Variants in RAPGEF2 observed in about 807,000 individuals in gnomAD.
RAPGEF2 encodes Rap guanine nucleotide exchange factor 2.
Under a neutral mutation model 186.7 loss-of-function variants are expected in RAPGEF2, and 54 were observed. That is an observed-to-expected ratio of 0.29 (90% CI 0.23 to 0.36). RAPGEF2 has a LOEUF of 0.36. Among genes scored for constraint, RAPGEF2 ranks in the 10% least tolerant of loss-of-function variants. The pLI, the probability that RAPGEF2 is intolerant of heterozygous loss-of-function variation, is 1.00. For missense variants in RAPGEF2, 1,532 were observed against 2,045.0 expected, an observed-to-expected ratio of 0.75 and a Z score of 4.84; for synonymous variants, 712 against 705.9, an observed-to-expected ratio of 1.01 and a Z score of -0.14.
Position 159,353,255 on chromosome 4 carries a change from T to TG in RAPGEF2, c.4092-232_4092-231insG. Reference sequence around the variant, plus strand: ...ATGTTGTCGGGGAATTTTTTTTTTTTTAATGGCACGTTGCGTTCTTTTCCC... The same window carrying TG: ...ATGTTGTCGGGGAATTTTTTTTTTTTGTAATGGCACGTTGCGTTCTTTTCCC... On this transcript the variant is annotated intron_variant, in intron 27 of 29. Transcript: ENST00000691494. This position sits in a 1 kb window ranked among gnomAD's most constrained non-coding sequence, Gnocchi z 4.3. 6.6e-6 allele frequency among the ~76,000 whole-genome samples: 1 copy of TG among 151,670 alleles called. No individual in the cohort carries two copies. Among genetic ancestry groups the TG allele is most frequent in the East Asian group, 1.9e-4 (1 of 5,180 alleles).
chr4:159,237,845 A>AAAATT (rs1753463270), intron 4 of RAPGEF2, among the ~76,000 whole-genome samples: 1 of 32,752 alleles, frequency 3.1e-5, no homozygotes, highest in African/African-American at 1.1e-4. Flanking sequence ...CAAAAATTAA[A>AAAATT]AAAAAAAAAA....
intron 7 of RAPGEF2, among the ~76,000 whole-genome samples, chr4:159,301,511 T>TAATA (rs1310309720): frequency 6.6e-6 from 1 of 152,192 alleles, no homozygotes; most frequent in Non-Finnish European, 1.5e-5. Context: ...ATATATGCAT[T>TAATA]TACTTTAATA....
chr4:159,338,189 G>T, intron 17 of RAPGEF2, 122 bp from the exon 18 acceptor site: 1 of 762,564 alleles, frequency 1.3e-6, no homozygotes, highest in South Asian at 2.6e-5. Flanking sequence ...ATTTATTAAT[G>T]GTGTTTTTAC....
chr4:159,220,431 A>C (rs1041277093), intron 4 of RAPGEF2, among the ~76,000 whole-genome samples: 2 of 152,070 alleles, frequency 1.3e-5, no homozygotes, highest in Non-Finnish European at 2.9e-5. Flanking sequence ...CTCTTTTATA[A>C]ACTTAGGATG....
At chr4:159,299,616 A>G (rs1029008788) in intron 7 of RAPGEF2, among the ~76,000 whole-genome samples, 11 of 151,912 alleles carry the variant, frequency 7.2e-5, no homozygotes, top group African/African-American at 2.7e-4. Context: ...AATTTTAGGT[A>G]TTTTACCAAT....
chr4:159,271,752 C>T (rs1382862565), intron 7 of RAPGEF2, among the ~76,000 whole-genome samples: 1 of 152,082 alleles, frequency 6.6e-6, no homozygotes, highest in Non-Finnish European at 1.5e-5. Flanking sequence ...TGAAAAAGTG[C>T]TTTTTTCCTG....
chr4:159,121,994 G>A (rs1164102993), intron 1 of RAPGEF2, among the ~76,000 whole-genome samples: 9 of 123,638 alleles, frequency 7.3e-5, no homozygotes, highest in African/African-American at 1.9e-4. Context: ...AGGTGAGATC[G>A]CACCACTGCA....
rs551502044 is a variant in RAPGEF2 at position 159,164,099 on chromosome 4, G to A, written c.70-22543G>A. On this transcript the variant is annotated intron_variant, in intron 1 of 29. Transcript: ENST00000691494. The stretch of plus-strand genomic sequence containing the variant: ...AGCTCACTGCAAGCTCCACCTCCTG[G>A]GTTCACGCCATTCTCCTGCCTCAGC... 2.4e-4 allele frequency among the ~76,000 whole-genome samples: 37 copies of A among 152,112 alleles called. No individual in the cohort carries two copies. In the Middle Eastern group the frequency reaches 0.01, roughly 42 times the overall value.
At chr4:159,320,488 AAGT>A (rs1398027011) in intron 9 of RAPGEF2, among the ~76,000 whole-genome samples, 1 of 152,148 alleles carries the variant, frequency 6.6e-6, no homozygotes, top group Non-Finnish European at 1.5e-5. Context: ...CTGGTAGCAA[AAGT>A]AAAGTGATTT....
intron 7 of RAPGEF2, among the ~76,000 whole-genome samples, chr4:159,269,800 C>T (rs1757883979): frequency 6.6e-6 from 1 of 151,952 alleles, no homozygotes; most frequent in Admixed American, 6.6e-5. Flanking sequence ...TGCTTAAGGC[C>T]AGAAGTTTGC....
intron 1 of RAPGEF2, among the ~76,000 whole-genome samples, chr4:159,164,548 TTATC>T (rs972505802): frequency 6.6e-6 from 1 of 152,138 alleles, no homozygotes; most frequent in Non-Finnish European, 1.5e-5. Context: ...TAGATATAAA[TTATC>T]TACATGTGAA....
In RAPGEF2 at chr4:159,254,475, A is replaced by T. The variant is rs565390636; in HGVS notation, c.543+10684A>T. Among the ~76,000 whole-genome samples the T allele has an allele frequency of 2.0e-5, 3 of 152,202 alleles. No individual in the cohort carries two copies. In the South Asian group the frequency reaches 6.2e-4, roughly 32 times the overall value. On this transcript the variant is annotated intron_variant, in intron 7 of 29. Coordinates refer to ENST00000691494, the MANE Select transcript of RAPGEF2 (RefSeq NM_001394067.2). ...CACTGGTTTTTCAGATTTTATTTGC[A>T]TAATATAATAGAGTTCTGCAAATAA...
At position 159,243,878 on chromosome 4, in the gene RAPGEF2, A is replaced by G. The variant is rs552476901; in HGVS notation, c.543+87A>G. The G allele has an allele frequency of 2.4e-5, 24 of 986,386 alleles. No homozygotes were observed. The South Asian group carries it at 2.8e-4, about 12-fold the overall frequency. The allele number at this position is 986,386 out of a possible 1,614,324, so 61.1% of individuals were successfully genotyped here. On this transcript the variant is annotated intron_variant, in intron 7 of 29. Coordinates refer to ENST00000691494, the MANE Select transcript of RAPGEF2 (RefSeq NM_001394067.2). Reference sequence around the variant, plus strand: ...TTACTAATGAATTTATAATATTCATATGTTTTGCTTCGTCTTGTCCTTCTG... The same window carrying G: ...TTACTAATGAATTTATAATATTCATGTGTTTTGCTTCGTCTTGTCCTTCTG...
At chr4:159,114,119 AT>A (rs772011656) in intron 1 of RAPGEF2, among the ~76,000 whole-genome samples, 3,236 of 136,836 alleles carry the variant, frequency 0.024, 87 homozygotes, top group African/African-American at 0.072. Flanking sequence ...TACCTGGCTA[AT>A]TTTTTTTTTT....
At chr4:159,294,482 T>A (rs1403451710) in intron 7 of RAPGEF2, among the ~76,000 whole-genome samples, 1 of 152,240 alleles carries the variant, frequency 6.6e-6, no homozygotes, top group Non-Finnish European at 1.5e-5. Flanking sequence ...CAAGTTTTAG[T>A]AATTGTAGAA....
chr4:159,324,099 A>G (rs1482573112), intron 11 of RAPGEF2, among the ~76,000 whole-genome samples: 1 of 151,168 alleles, frequency 6.6e-6, no homozygotes, highest in East Asian at 2.0e-4. Flanking sequence ...GTTTCACCAT[A>G]TTGGCCATGC....
intron 1 of RAPGEF2, among the ~76,000 whole-genome samples, chr4:159,167,028 A>T (rs548422844): frequency 1.3e-5 from 2 of 152,316 alleles, no homozygotes; most frequent in East Asian, 3.9e-4. Flanking sequence ...TTTATGTTGT[A>T]CATGGTGAAA....
chr4:159,211,471 G>T (rs1750525163), intron 4 of RAPGEF2, among the ~76,000 whole-genome samples: 1 of 152,176 alleles, frequency 6.6e-6, no homozygotes. Context: ...TACAGGGATT[G>T]CCCCTTTCTG....
At chr4:159,339,092 G>T in intron 18 of RAPGEF2, 22 bp from the exon 19 acceptor site, 1 of 1,607,592 alleles carries the variant, frequency 6.2e-7, no homozygotes, top group Non-Finnish European at 8.5e-7. Context: ...CTACTTATGT[G>T]TGTGATTTTT....
Sources: allele counts gnomAD v4.1 joint callset (sites outside exome capture counted in the v4.1 genomes callset), GRCh38; gene constraint gnomAD v4.1.1; non-coding constraint Gnocchi (gnomAD v3.1); transcripts MANE v1.5; gene names NCBI Gene and HGNC (gene_info 2026-07-23, HGNC 2026-07-21).